The following GLIS3 variants were observed in gnomAD, a reference collection of about 807,000 sequenced individuals.
GLIS3 encodes zinc finger protein GLIS3.
Under a neutral mutation model 78.6 loss-of-function variants are expected in GLIS3, and 53 were observed. That is an observed-to-expected ratio of 0.67 (90% CI 0.54 to 0.85). GLIS3 has a LOEUF of 0.85. Ranked by LOEUF, GLIS3 falls within the 40% of genes least tolerant of loss-of-function variation. GLIS3 has a pLI of 0.00. For missense variants in GLIS3, 1,703 were observed against 1,231.1 expected, an observed-to-expected ratio of 1.38 and a Z score of -5.74; for synonymous variants, 684 against 509.9, an observed-to-expected ratio of 1.34 and a Z score of -4.60.
chr9:4,150,505 A>G (rs1422048959), intron 2 of GLIS3, among the ~76,000 whole-genome samples: 1 of 152,206 alleles, frequency 6.6e-6, no homozygotes, highest in Non-Finnish European at 1.5e-5. Context: ...ATCACATACC[A>G]TCTAGCACAC....
chr9:3,966,435 C>CTTTTTTTTTTTTTTTTTTTTTTTT (rs764863612), intron 4 of GLIS3, among the ~76,000 whole-genome samples: 1 of 150,740 alleles, frequency 6.6e-6, no homozygotes. Context: ...TGATGCAAAG[C>CTTTTTTTTTTTTTTTTTTTTTTTT]CTTTTTTTTT....
intron 4 of GLIS3, among the ~76,000 whole-genome samples, chr9:4,078,603 C>T (rs1828278174): frequency 6.6e-6 from 1 of 152,234 alleles, no homozygotes; most frequent in South Asian, 2.1e-4. Flanking sequence ...GCCAAGAGAT[C>T]TTTGCCAGCC....
chr9:4,405,136 C>G, the GLIS3 span, among the ~76,000 whole-genome samples: 1 of 152,028 alleles, frequency 6.6e-6, no homozygotes, highest in South Asian at 2.1e-4. Flanking sequence ...GGGTGGATCA[C>G]CTGAGGTTGG....
At chr9:4,131,325 G>C (rs769495212) in intron 2 of GLIS3, among the ~76,000 whole-genome samples, 7 of 152,178 alleles carry the variant, frequency 4.6e-5, no homozygotes, top group Non-Finnish European at 1.0e-4. Context: ...ATTTTGCAAT[G>C]TTTGAGGACA....
intron 4 of GLIS3, among the ~76,000 whole-genome samples, chr9:3,983,734 A>T (rs559596081): frequency 6.6e-6 from 1 of 152,150 alleles, no homozygotes; most frequent in East Asian, 1.9e-4. Context: ...CTTGAGGGAG[A>T]TGATTTAGGG....
intron 4 of GLIS3, among the ~76,000 whole-genome samples, chr9:3,955,372 G>A (rs1254343525): frequency 6.6e-6 from 1 of 152,078 alleles, no homozygotes; most frequent in African/African-American, 2.4e-5. Flanking sequence ...TTTATTTATT[G>A]AAAAAGAGAA....
intron 4 of GLIS3, among the ~76,000 whole-genome samples, chr9:3,982,577 C>G (rs1819391340): frequency 1.3e-5 from 2 of 152,122 alleles, no homozygotes; most frequent in South Asian, 4.1e-4. Context: ...TTCATGAATG[C>G]AGGAAAAAAT....
chr9:3,839,496 A>T (rs1241433758), intron 9 of GLIS3, among the ~76,000 whole-genome samples: 1 of 152,134 alleles, frequency 6.6e-6, no homozygotes, highest in Non-Finnish European at 1.5e-5. Context: ...TTACTCAGAG[A>T]CAGGCATTGC....
intron 4 of GLIS3, among the ~76,000 whole-genome samples, chr9:4,106,097 T>A (rs1419875972): frequency 6.6e-6 from 1 of 152,150 alleles, no homozygotes; most frequent in Non-Finnish European, 1.5e-5. Flanking sequence ...ACAACTTGTA[T>A]CCCAGTACAC....
At chr9:3,960,665 C>T (rs1817486333) in intron 4 of GLIS3, among the ~76,000 whole-genome samples, 2 of 152,110 alleles carry the variant, frequency 1.3e-5, no homozygotes, top group South Asian at 4.2e-4. Flanking sequence ...TTTTCATGTA[C>T]TCATATGAAC....
intron 2 of GLIS3, among the ~76,000 whole-genome samples, chr9:4,281,839 A>C (rs1200403903): frequency 6.6e-6 from 1 of 152,200 alleles, no homozygotes; most frequent in Non-Finnish European, 1.5e-5. Flanking sequence ...TCAAGCTAGT[A>C]GTTTGCCTGG....
chr9:4,084,505 G>C (rs888072034), intron 4 of GLIS3, among the ~76,000 whole-genome samples: 1 of 152,130 alleles, frequency 6.6e-6, no homozygotes, highest in Non-Finnish European at 1.5e-5. Context: ...ACAAGGAGAC[G>C]AGGAGGAGCA....
chr9:3,828,758 A>G lies in GLIS3; in HGVS notation c.2657-350T>C, dbSNP rs188389881. 5.3e-5 allele frequency among the ~76,000 whole-genome samples: 8 copies of G among 152,328 alleles called. No individual in the cohort carries two copies. In the East Asian group the frequency reaches 1.2e-3, roughly 22 times the overall value. On this transcript the variant is annotated intron_variant, in intron 10 of 10. Transcript: ENST00000381971. ...TGAAGAAATAGGGAAAGAACATTCCAGAAGGAGGAAACAAAGAGCAAAGAC... is the reference window on the plus strand; with the variant it reads ...TGAAGAAATAGGGAAAGAACATTCCGGAAGGAGGAAACAAAGAGCAAAGAC...
chr9:4,360,967 C>A, the GLIS3 span, among the ~76,000 whole-genome samples: 3 of 152,230 alleles, frequency 2.0e-5, no homozygotes, highest in Non-Finnish European at 2.9e-5. Flanking sequence ...GCCTTGACCT[C>A]ATTCTTGCAT....
Position 4,118,610 on chromosome 9 carries a change from A to T in GLIS3, c.868T>A (p.Ser290Thr). 1 of 1,614,204 alleles carries T rather than the reference A, an allele frequency of 6.2e-7. No individual in the cohort carries two copies. The highest frequency in any genetic ancestry group is 8.5e-7 in the Non-Finnish European group (1 of 1,180,032). The change falls in exon 4 of 11, where the codon TCC (serine) becomes ACC (threonine). Residue 290 changes from serine (S) to threonine (T), a missense_variant. Physicochemically the swap from Ser to Thr is moderately conservative, Grantham distance 58. Coordinates refer to ENST00000381971, the MANE Select transcript of GLIS3 (RefSeq NM_001042413.2). The surrounding 1 kb of genome is among the most constrained non-coding windows in gnomAD (Gnocchi z 4.7). ...HSPYPSPRHSSTRSHSARSKK... is the reference protein window; with the variant it reads ...HSPYPSPRHSTTRSHSARSKK... ...GAGCGGGCCGAGTGGGACCTGGTGG[A>T]TGAGTGCCGAGGACTAGGGTAAGGA...
chr9:4,289,122 T>G (rs566832803), intron 1 of GLIS3, among the ~76,000 whole-genome samples: 1 of 152,150 alleles, frequency 6.6e-6, no homozygotes, highest in Non-Finnish European at 1.5e-5. Context: ...GTGAATGAAA[T>G]GGCACTCAAA....
the GLIS3 span, among the ~76,000 whole-genome samples, chr9:4,423,796 T>G: frequency 6.6e-6 from 1 of 152,222 alleles, no homozygotes; most frequent in African/African-American, 2.4e-5. Flanking sequence ...TTCGGCTACC[T>G]TATTCTTGTT....
chr9:4,313,739 A>G (rs918857037), intron 2 of GLIS3, among the ~76,000 whole-genome samples: 2 of 152,100 alleles, frequency 1.3e-5, no homozygotes, highest in Non-Finnish European at 2.9e-5. Context: ...CTTAAGATCA[A>G]GTTCCAATGC....
intron 2 of GLIS3, among the ~76,000 whole-genome samples, chr9:4,198,359 TTTCTAA>T (rs1274009982): frequency 1.3e-5 from 2 of 151,974 alleles, no homozygotes; most frequent in Admixed American, 6.5e-5. Context: ...CTTACATGAG[TTTCTAA>T]TTCTAACTCT....
Sources: gnomAD v4.1 joint callset for allele counts (sites outside exome capture counted in the v4.1 genomes callset) on GRCh38, gnomAD v4.1.1 for gene constraint, Gnocchi (gnomAD v3.1) non-coding constraint, MANE v1.5 for transcripts, NCBI Gene and HGNC (gene_info 2026-07-23, HGNC 2026-07-21) for gene names.